Variants in SLC12A7 observed in about 807,000 individuals in gnomAD.
SLC12A7 encodes the protein K-Cl cotransporter 4.
SLC12A7 carries 100 observed loss-of-function variants against 120.6 expected under a neutral mutation model. That is an observed-to-expected ratio of 0.83 (90% CI 0.71 to 0.98). The LOEUF is 0.98. Among genes scored for constraint, SLC12A7 ranks in the 50% least tolerant of loss-of-function variants. The pLI, the probability that SLC12A7 is intolerant of heterozygous loss-of-function variation, is 0.00. For missense variants in SLC12A7, 1,373 were observed against 1,548.1 expected (o/e 0.89, Z 1.90); for synonymous variants, 760 against 678.0 (o/e 1.12, Z -1.88).
the SLC12A7 span, among the ~76,000 whole-genome samples, chr5:1,118,892 C>T: frequency 1.3e-5 from 2 of 152,134 alleles, no homozygotes; most frequent in African/African-American, 4.8e-5. Flanking sequence ...GGCCGGCTGG[C>T]GGGAGAGGCA....
intron 9 of SLC12A7, among the ~76,000 whole-genome samples, 187 bp from the exon 10 acceptor site, chr5:1,079,683 C>T (rs368076547): frequency 6.6e-6 from 1 of 152,188 alleles, no homozygotes; most frequent in Non-Finnish European, 1.5e-5. Flanking sequence ...CGGGCCCAGG[C>T]ACGCGGATGA....
intron 17 of SLC12A7, among the ~76,000 whole-genome samples, chr5:1,067,556 A>C (rs1737187414): frequency 6.6e-6 from 1 of 152,244 alleles, no homozygotes; most frequent in African/African-American, 2.4e-5. Flanking sequence ...GTTCAGGATC[A>C]GCCAAGTTTG....
At chr5:1,140,397 C>A in the SLC12A7 span, among the ~76,000 whole-genome samples, 3 of 152,372 alleles carry the variant, frequency 2.0e-5, no homozygotes, top group African/African-American at 4.8e-5. Context: ...TGTTCCCCCC[C>A]ACCGGGTCTG....
chr5:1,125,573 T>C, the SLC12A7 span, among the ~76,000 whole-genome samples: 1 of 152,192 alleles, frequency 6.6e-6, no homozygotes, highest in African/African-American at 2.4e-5. Context: ...CTTTGACTAA[T>C]TGGATCCCAA....
chr5:1,120,665 C>T, the SLC12A7 span, among the ~76,000 whole-genome samples: 1 of 152,228 alleles, frequency 6.6e-6, no homozygotes, highest in Non-Finnish European at 1.5e-5. Flanking sequence ...CTGGACACAG[C>T]CCACATTCCC....
chr5:1,053,201 A>T, intron 23 of SLC12A7, 148 bp downstream of exon 23: 2 of 1,048,220 alleles, frequency 1.9e-6, no homozygotes, highest in Non-Finnish European at 2.7e-6. Context: ...TCAGAGCCCC[A>T]CTGCATCCCG....
rs769153323 is a variant in SLC12A7 at position 1,057,605 on chromosome 5, C to T, written c.2892G>A (p.Ala964=). 6.8e-5 allele frequency: 110 copies of T among 1,607,940 alleles called. No homozygotes were observed. Among genetic ancestry groups the T allele is most frequent in the Non-Finnish European group, 8.9e-5 (105 of 1,179,876 alleles). ...HDRNTASHTA[A]AARTQAPPTP... ...TAGGCGGCGCTTGGGTCCTGGCTGC[C>T]GCCGCGGTGTGGGACGCGGTGTTCC... Residue 964 remains alanine, a synonymous_variant, in exon 22 of 24, where the codon GCG becomes GCA. Coordinates refer to ENST00000264930, the MANE Select transcript of SLC12A7 (RefSeq NM_006598.3).
At chr5:1,104,143 A>C (rs968962956) in intron 1 of SLC12A7, among the ~76,000 whole-genome samples, 3 of 151,884 alleles carry the variant, frequency 2.0e-5, no homozygotes, top group Non-Finnish European at 4.4e-5. Flanking sequence ...TTTCCACTCC[A>C]CTCAATCCCT....
Position 1,075,371 on chromosome 5 carries a change from C to A in SLC12A7, c.1967G>T (p.Gly656Val). ...GCIYKYIEYR[G>V]AEKEWGDGIR... Reference sequence around the variant, plus strand: ...TGTAAGGGGGGCTGACAGCGCTTACCCGCGGTACTCGATGTACTTGTAGAT... The same window carrying A: ...TGTAAGGGGGGCTGACAGCGCTTACACGCGGTACTCGATGTACTTGTAGAT... The change falls in exon 15 of 24, where the codon GGG (glycine) becomes GTG (valine). Residue 656 changes from glycine to valine, a missense_variant and splice_region_variant. Physicochemically the swap from Gly to Val is moderately radical, Grantham distance 109. Coordinates refer to ENST00000264930, the MANE Select transcript of SLC12A7 (RefSeq NM_006598.3). 6.2e-7 allele frequency: 1 copy of A among 1,610,058 alleles called. No homozygotes were observed. The highest frequency in any genetic ancestry group is 8.5e-7 in the Non-Finnish European group (1 of 1,177,736).
Position 1,063,868 on chromosome 5 carries a change from G to A in SLC12A7, c.2715C>T (p.Ser905=), listed in dbSNP as rs763536680. The A allele has an allele frequency of 7.5e-6, 12 of 1,593,360 alleles. No individual in the cohort carries two copies. Among genetic ancestry groups the A allele is most frequent in the South Asian group, 5.5e-5 (5 of 90,672 alleles). The change falls in exon 20 of 24, where the codon AGC becomes AGT. Residue 905 remains serine, a synonymous_variant. Transcript: ENST00000264930. ...LQMFLYHLRI[S]AEVEVVEMVE... Reference sequence around the variant, plus strand: ...CCATCTCCACCACCTCCACCTCGGCGCTGATGCGCAAGTGGTACAAGAACA... The same window carrying A: ...CCATCTCCACCACCTCCACCTCGGCACTGATGCGCAAGTGGTACAAGAACA...
the SLC12A7 span, among the ~76,000 whole-genome samples, chr5:1,144,634 C>A: frequency 6.6e-6 from 1 of 152,222 alleles, no homozygotes; most frequent in African/African-American, 2.4e-5. Flanking sequence ...CTCAAACCAG[C>A]GGACCGCACC....
At position 1,076,736 on chromosome 5, in the gene SLC12A7, A is replaced by G; in HGVS notation, c.1706T>C (p.Ile569Thr). The change falls in exon 13 of 24, where the codon ATC becomes ACC. Residue 569 changes from isoleucine (I) to threonine (T), a missense_variant. By Grantham distance (89) the Ile-to-Thr change is moderately conservative (BLOSUM62 -1). Transcript: ENST00000264930. ...CACGCTGTCCAGAGAGGCGATGAGG[A>G]TGCCAGTCTCGCAGATGAGGACTGT... Reference protein sequence around the residue: ...LLTVLICETGILIASLDSVAP... With the variant: ...LLTVLICETGTLIASLDSVAP... The G allele has an allele frequency of 6.2e-7, 1 of 1,611,632 alleles. No homozygotes were observed. The highest frequency in any genetic ancestry group is 1.3e-5 in the African/African-American group (1 of 75,006).
At chr5:1,123,298 C>T in the SLC12A7 span, among the ~76,000 whole-genome samples, 8 of 152,056 alleles carry the variant, frequency 5.3e-5, no homozygotes, top group East Asian at 1.9e-4. Context: ...GCATGCTGGG[C>T]GTGCAGAGCA....
chr5:1,052,774 G>A (rs1488649406), intron 23 of SLC12A7, among the ~76,000 whole-genome samples: 2 of 152,216 alleles, frequency 1.3e-5, no homozygotes, highest in Non-Finnish European at 2.9e-5. Context: ...CCAGCCTACA[G>A]GGGACCTGGG....
At chr5:1,060,492 G>C in intron 20 of SLC12A7, 41 bp from the exon 21 acceptor site, 1 of 1,476,358 alleles carries the variant, frequency 6.8e-7, no homozygotes. Context: ...GGTGTGCACA[G>C]AACCACGGAT....
At chr5:1,138,711 G>A in the SLC12A7 span, among the ~76,000 whole-genome samples, 1 of 152,170 alleles carries the variant, frequency 6.6e-6, no homozygotes, top group Non-Finnish European at 1.5e-5. Flanking sequence ...CTCTTTGGAG[G>A]CCACCGTTTA....
chr5:1,088,349 G>A lies in SLC12A7; in HGVS notation c.501C>T (p.Thr167=), dbSNP rs759232554. Residue 167 remains threonine, a synonymous_variant, in exon 5 of 24, where the codon ACC becomes ACT. Coordinates refer to ENST00000264930, the MANE Select transcript of SLC12A7 (RefSeq NM_006598.3). ...VAMCCTCTML[T]AISMSAIATN... ...TAGCGATCGCACTCATGGAAATGGC[G>A]GTCAGCATTGTCTGCAAAAAGACAG... is the stretch of plus-strand genomic sequence containing the variant. The A allele has an allele frequency of 8.8e-6, 14 of 1,583,596 alleles. No individual in the cohort carries two copies. The highest frequency in any genetic ancestry group is 6.8e-5 in the East Asian group (3 of 43,992).
chr5:1,130,729 G>A, the SLC12A7 span, among the ~76,000 whole-genome samples: 2 of 152,340 alleles, frequency 1.3e-5, no homozygotes, highest in Admixed American at 6.5e-5. Flanking sequence ...ACCTGGACAG[G>A]TGCACAGAGC....
intron 8 of SLC12A7, among the ~76,000 whole-genome samples, chr5:1,083,470 C>T (rs1177000888): frequency 2.6e-5 from 4 of 152,248 alleles, no homozygotes; most frequent in African/African-American, 9.6e-5. Context: ...CCCATACATG[C>T]TGCCAGGAGG....
Sources: gnomAD v4.1 joint callset for allele counts (sites outside exome capture counted in the v4.1 genomes callset) on GRCh38, gnomAD v4.1.1 for gene constraint, MANE v1.5 for transcripts, NCBI Gene and HGNC (gene_info 2026-07-23, HGNC 2026-07-21) for gene names.